SUPT3H: variants seen among roughly 807,000 people sequenced by gnomAD.
The protein encoded by SUPT3H is transcription initiation protein SPT3 homolog.
A neutral mutation model predicts 44.3 loss-of-function variants in SUPT3H; 44 were observed. That is an observed-to-expected ratio of 0.99 (90% confidence interval 0.78 to 1.28). The LOEUF (loss-of-function observed/expected upper bound fraction) is 1.28. Among genes scored for constraint, SUPT3H ranks in the 50% most tolerant of loss-of-function variants. The probability of loss-of-function intolerance (pLI) is 0.00; values close to 1 mark genes in which losing one functional copy is unlikely to be tolerated. For missense variants in SUPT3H, 380 were observed against 387.1 expected, an observed-to-expected ratio of 0.98 and a Z score of 0.15; for synonymous variants, 124 against 125.6, an observed-to-expected ratio of 0.99 and a Z score of 0.09.
intron 5 of SUPT3H, among the ~76,000 whole-genome samples, chr6:45,006,476 AC>A (rs1249950956): frequency 6.6e-6 from 1 of 151,448 alleles, no homozygotes. Context: ...AACGTTTACC[AC>A]CCCTTTTTCC....
chr6:45,287,460 G>A (rs1259892970), intron 2 of SUPT3H, among the ~76,000 whole-genome samples: 3 of 152,016 alleles, frequency 2.0e-5, no homozygotes, highest in Non-Finnish European at 2.9e-5. Context: ...ACTACAATAC[G>A]GATGAACCAT....
chr6:45,274,488 G>C (rs1285689808), intron 2 of SUPT3H, among the ~76,000 whole-genome samples: 1 of 152,020 alleles, frequency 6.6e-6, no homozygotes, highest in African/African-American at 2.4e-5. Flanking sequence ...ATCTATGTAC[G>C]GCATGAAGAA....
At chr6:45,304,014 T>C (rs1782594460) in intron 2 of SUPT3H, among the ~76,000 whole-genome samples, 1 of 151,732 alleles carries the variant, frequency 6.6e-6, no homozygotes, top group African/African-American at 2.4e-5. Flanking sequence ...AATCTTTAAA[T>C]TAAATTTGTT....
At chr6:45,088,865 AT>A (rs2153561855) in intron 3 of SUPT3H, among the ~76,000 whole-genome samples, 1 of 152,178 alleles carries the variant, frequency 6.6e-6, no homozygotes, top group South Asian at 2.1e-4. Context: ...GTGATATGGA[AT>A]TTAATTTATA....
intron 10 of SUPT3H, among the ~76,000 whole-genome samples, chr6:44,889,040 C>G (rs76066746): frequency 0.12 from 17,849 of 149,156 alleles, 1,388 homozygotes; most frequent in East Asian, 0.27. Flanking sequence ...AATAAAATAC[C>G]TAGGAATCCA....
At chr6:45,235,425 AAATATT>A (rs747465219) in intron 2 of SUPT3H, among the ~76,000 whole-genome samples, 1 of 152,136 alleles carries the variant, frequency 6.6e-6, no homozygotes, top group Non-Finnish European at 1.5e-5. Context: ...ATTCTAATAT[AAATATT>A]ATTAGGGAAA....
chr6:45,164,222 C>T (rs1368325819), intron 2 of SUPT3H, among the ~76,000 whole-genome samples: 1 of 152,106 alleles, frequency 6.6e-6, no homozygotes, highest in African/African-American at 2.4e-5. Context: ...AATCTGGGAC[C>T]TATTCATGGG....
chr6:44,898,131 T>C (rs952414732), intron 10 of SUPT3H, among the ~76,000 whole-genome samples: 5 of 152,236 alleles, frequency 3.3e-5, no homozygotes, highest in African/African-American at 1.2e-4. Flanking sequence ...AGGCCTTTTG[T>C]TAACTTGAAG....
chr6:45,197,546 T>G (rs1295706160), intron 2 of SUPT3H: 1 of 255,622 alleles, frequency 3.9e-6, no homozygotes, highest in East Asian at 1.5e-4. Context: ...TTTTTAAAAC[T>G]AATTAAAAAA....
intron 10 of SUPT3H, among the ~76,000 whole-genome samples, chr6:44,867,318 A>G (rs1775667283): frequency 6.6e-6 from 1 of 151,828 alleles, no homozygotes; most frequent in Non-Finnish European, 1.5e-5. Flanking sequence ...CAGTCAGTTA[A>G]TTTTCATATT....
At chr6:45,077,875 A>T (rs746303045) in intron 3 of SUPT3H, among the ~76,000 whole-genome samples, 12 of 152,182 alleles carry the variant, frequency 7.9e-5, no homozygotes, top group Non-Finnish European at 1.3e-4. Context: ...AAAAGCTTCA[A>T]AAACAATTTT....
chr6:45,285,311 C>T (rs1443708496), intron 2 of SUPT3H, among the ~76,000 whole-genome samples: 8 of 152,074 alleles, frequency 5.3e-5, no homozygotes, highest in African/African-American at 9.7e-5. Context: ...TTGTCCCTGT[C>T]TGCAGATGAC....
chr6:44,837,969 CACATTAAA>C (rs995859300), intron 10 of SUPT3H, among the ~76,000 whole-genome samples: 21 of 152,202 alleles, frequency 1.4e-4, no homozygotes, highest in African/African-American at 5.1e-4. Flanking sequence ...TGGCCTTTGC[CACATTAAA>C]ACACCATACA....
intron 10 of SUPT3H, among the ~76,000 whole-genome samples, chr6:44,912,144 A>G (rs1206368073): frequency 6.6e-6 from 1 of 152,208 alleles, no homozygotes; most frequent in African/African-American, 2.4e-5. Context: ...TGTACAAGTC[A>G]GTGGCATTAA....
intron 3 of SUPT3H, among the ~76,000 whole-genome samples, chr6:45,068,996 A>T (rs569197000): frequency 7.2e-4 from 109 of 151,566 alleles, no homozygotes; most frequent in Admixed American, 2.6e-3. Flanking sequence ...AAAAATAAAA[A>T]AAATAAAATA....
intron 2 of SUPT3H, among the ~76,000 whole-genome samples, chr6:45,223,901 T>C (rs1766469089): frequency 6.6e-6 from 1 of 150,516 alleles, no homozygotes; most frequent in South Asian, 2.1e-4. Flanking sequence ...AATCTAACAA[T>C]GTTAAATTAC....
intron 2 of SUPT3H, among the ~76,000 whole-genome samples, chr6:45,184,919 A>G (rs1584116367): frequency 6.6e-6 from 1 of 152,240 alleles, no homozygotes; most frequent in South Asian, 2.1e-4. Context: ...CAGCTTTACC[A>G]CCCACTTTCA....
intron 5 of SUPT3H, among the ~76,000 whole-genome samples, chr6:45,013,344 C>T (rs150464060): frequency 6.6e-6 from 1 of 152,138 alleles, no homozygotes; most frequent in East Asian, 1.9e-4. Context: ...GTTATTTTTA[C>T]AATGAACTTA....
intron 10 of SUPT3H, among the ~76,000 whole-genome samples, chr6:44,887,924 T>C (rs59606274): frequency 0.12 from 17,868 of 151,992 alleles, 1,267 homozygotes; most frequent in African/African-American, 0.19. Context: ...CAATAAAAAA[T>C]GATAAAGGGG....
Sources: allele counts gnomAD v4.1 joint callset (sites outside exome capture counted in the v4.1 genomes callset), GRCh38; gene constraint gnomAD v4.1.1; transcripts MANE v1.5; gene names NCBI Gene and HGNC (gene_info 2026-07-23, HGNC 2026-07-21).